The following STEAP1B variants were observed in gnomAD, a reference collection of about 807,000 sequenced individuals.
STEAP1B encodes STEAP family protein MGC87042.
A neutral mutation model predicts 27.9 loss-of-function variants in STEAP1B; 13 were observed. That is an observed-to-expected ratio of 0.47 (90% confidence interval 0.30 to 0.74). STEAP1B has a LOEUF of 0.74. Ranked by LOEUF, STEAP1B falls within the 30% of genes least tolerant of loss-of-function variation. The pLI is 0.06. For missense variants in STEAP1B, 250 were observed against 298.7 expected, an observed-to-expected ratio of 0.84 and a Z score of 1.20; for synonymous variants, 86 against 107.1, an observed-to-expected ratio of 0.80 and a Z score of 1.22.
intron 4 of STEAP1B, among the ~76,000 whole-genome samples, chr7:22,465,939 G>T (rs756406164): frequency 6.6e-6 from 1 of 152,044 alleles, no homozygotes; most frequent in East Asian, 1.9e-4. Flanking sequence ...TCGATCTCCC[G>T]CATGGCTCAT....
chr7:22,467,803 A>G (rs1194903209), intron 4 of STEAP1B, among the ~76,000 whole-genome samples: 2 of 152,124 alleles, frequency 1.3e-5, no homozygotes, highest in African/African-American at 4.8e-5. Context: ...GTGTGTCTTT[A>G]TCAGCATTGT....
Position 22,422,422 on chromosome 7 carries a change from A to G in STEAP1B, c.763-2586T>C, listed in dbSNP as rs552918314. ...GCAATTCTAAAAGAATAGTTCCCCA[A>G]ATAGCTTGAGCAACAACGTCACTGG... On this transcript the variant is annotated intron_variant, in intron 4 of 4. Transcript: ENST00000678116. Among the ~76,000 whole-genome samples the G allele has an allele frequency of 4.6e-5, 7 of 152,364 alleles. No individual in the cohort carries two copies. The South Asian group carries it at 1.4e-3, about 32-fold the overall frequency.
chr7:22,469,914 T>G lies in STEAP1B; in HGVS notation c.762+22651A>C, dbSNP rs184895834. 3.9e-3 allele frequency among the ~76,000 whole-genome samples: 592 copies of G among 152,342 alleles called. 3 individuals are homozygous for G. Among genetic ancestry groups the G allele is most frequent in the Non-Finnish European group, 7.0e-3 (479 of 68,028 alleles). On this transcript the variant is annotated intron_variant, in intron 4 of 4. Transcript: ENST00000678116. ...GCTAGAATAAACTCCAGTGCTGGAC[T>G]GTAGTTAGTTATCATGCTGACTCAT...
At position 22,493,737 on chromosome 7, in the gene STEAP1B, G is replaced by A. The variant is rs199876235; in HGVS notation, c.184C>T (p.Gln62Ter). ...ADEFDCPSELQHAQELFPQWH... is the reference protein window; with the variant it reads ...ADEFDCPSEL ...TGTGGAAAGAGTTCCTGTGCGTGCT[G>A]AAGTTCTGAAGGGCAGTCAAATTCA... Residue 62 changes from glutamine to a stop codon, truncating the protein, a stop_gained, in exon 3 of 5, where the codon CAG becomes TAG. Transcript: ENST00000678116. LOFTEE classifies it high-confidence loss of function. 5.8e-5 allele frequency: 93 copies of A among 1,613,908 alleles called. 1 individual carries two copies. In the East Asian group the frequency reaches 7.8e-4, roughly 14 times the overall value.
At chr7:22,427,860 ATAG>A (rs1341312884) in intron 4 of STEAP1B, among the ~76,000 whole-genome samples, 1 of 152,250 alleles carries the variant, frequency 6.6e-6, no homozygotes, top group African/African-American at 2.4e-5. Context: ...GAGTAGAGAA[ATAG>A]TAGAAATCAA....
At chr7:22,454,412 A>G (rs533832733) in intron 4 of STEAP1B, among the ~76,000 whole-genome samples, 1 of 152,258 alleles carries the variant, frequency 6.6e-6, no homozygotes, top group African/African-American at 2.4e-5. Flanking sequence ...AGCCCTCTGG[A>G]AGTTTCTGGA....
chr7:22,444,431 A>C (rs1303614132), intron 4 of STEAP1B, among the ~76,000 whole-genome samples: 1 of 151,988 alleles, frequency 6.6e-6, no homozygotes, highest in Non-Finnish European at 1.5e-5. Flanking sequence ...TTTTAAAAAA[A>C]AAAAGTAAAA....
intron 4 of STEAP1B, among the ~76,000 whole-genome samples, chr7:22,466,640 A>G (rs1785789101): frequency 6.6e-6 from 1 of 152,070 alleles, no homozygotes. Flanking sequence ...TGGAAACCCT[A>G]GTAAACAATT....
At chr7:22,468,773 T>C (rs1186696277) in intron 4 of STEAP1B, among the ~76,000 whole-genome samples, 1 of 152,214 alleles carries the variant, frequency 6.6e-6, no homozygotes, top group East Asian at 1.9e-4. Flanking sequence ...GAGATTATAA[T>C]GGAGCTGAAA....
At chr7:22,461,021 C>T (rs1467167885) in intron 4 of STEAP1B, among the ~76,000 whole-genome samples, 1 of 152,088 alleles carries the variant, frequency 6.6e-6, no homozygotes, top group East Asian at 1.9e-4. Flanking sequence ...ACAGGAGGCC[C>T]AACATTTGAA....
intron 4 of STEAP1B, chr7:22,492,319 C>CAAAAAAAAAAAAAAAAAAAAAAAAAA (rs56679156): frequency 5.5e-5 from 3 of 54,414 alleles, no homozygotes; most frequent in African/African-American, 9.3e-5. Context: ...ACTTCATCTC[C>CAAAAAAAAAAAAAAAAAAAAAAAAAA]AAAAAAAAAA....
intron 1 of STEAP1B, among the ~76,000 whole-genome samples, chr7:22,496,422 A>G (rs1240378842): frequency 6.6e-6 from 1 of 152,212 alleles, no homozygotes; most frequent in Non-Finnish European, 1.5e-5. Context: ...TATAAAGTCT[A>G]TAGTAGTGTA....
chr7:22,484,225 T>C (rs114086101), intron 4 of STEAP1B, among the ~76,000 whole-genome samples: 159 of 152,308 alleles, frequency 1.0e-3, no homozygotes, highest in African/African-American at 3.8e-3. Context: ...GAAGATGCCA[T>C]CTAGGAGAAG....
At position 22,438,324 on chromosome 7, in the gene STEAP1B, C is replaced by A. The variant is rs998724444; in HGVS notation, c.763-18488G>T. ...CCTATGCAGTTTTTCGCACTTGTCCCACATGTTTTATTTTTCTACATAATA... is the reference window on the plus strand; with the variant it reads ...CCTATGCAGTTTTTCGCACTTGTCCAACATGTTTTATTTTTCTACATAATA... On this transcript the variant is annotated intron_variant, in intron 4 of 4. Transcript: ENST00000678116. The A allele has an allele frequency of 4.8e-6, 4 of 832,834 alleles. No individual in the cohort carries two copies. The African/African-American group carries it at 5.2e-5, about 11-fold the overall frequency. 51.6% of individuals were successfully genotyped at this position (832,834 alleles called of 1,614,324 possible).
At position 22,493,311 on chromosome 7, in the gene STEAP1B, A is replaced by T; in HGVS notation, c.597+13T>A. On this transcript the variant is annotated intron_variant, in intron 3 of 4. Coordinates refer to ENST00000678116, the MANE Select transcript of STEAP1B (RefSeq NM_001382447.1). ...ACTTTTTATTAGTAACAGTGACATC[A>T]TTGTCATCTCACCTGTTGATATGCC... The T allele has an allele frequency of 6.2e-7, 1 of 1,600,578 alleles. No individual in the cohort carries two copies. The highest frequency in any genetic ancestry group is 8.5e-7 in the Non-Finnish European group (1 of 1,170,732).
chr7:22,493,383 G>C lies in STEAP1B; in HGVS notation c.538C>G (p.Leu180Val). The C allele has an allele frequency of 5.0e-6, 8 of 1,614,176 alleles. No individual in the cohort carries two copies. The South Asian group carries it at 8.8e-5, about 18-fold the overall frequency. ...TAGGATCGCCTCATTGCGTAAGACA[G>C]AGTATAAATTGCATGCAGTACAGCA... Reference protein sequence around the residue: ...FFAVLHAIYTLSYAMRRSYRY... With the variant: ...FFAVLHAIYTVSYAMRRSYRY... The change falls in exon 3 of 5, where the codon CTG becomes GTG. Residue 180 changes from leucine (L) to valine (V), a missense_variant. Coordinates refer to ENST00000678116, the MANE Select transcript of STEAP1B (RefSeq NM_001382447.1).
intron 4 of STEAP1B, among the ~76,000 whole-genome samples, chr7:22,456,972 A>ATATATATTTTTTTTTTTTTTTTTTTT: frequency 8.8e-5 from 5 of 57,036 alleles, no homozygotes; most frequent in Non-Finnish European, 1.3e-4. Flanking sequence ...ATATATATAT[A>ATATATATTTTTTTTTTTTTTTTTTTT]TTTTTTTTTT....
chr7:22,479,312 T>C (rs1368788259), intron 4 of STEAP1B, among the ~76,000 whole-genome samples: 2 of 152,176 alleles, frequency 1.3e-5, no homozygotes, highest in Admixed American at 1.3e-4. Context: ...AAGGAGGCAG[T>C]GCATTTGCCC....
chr7:22,477,641 T>G (rs1785994838), intron 4 of STEAP1B, among the ~76,000 whole-genome samples: 1 of 152,208 alleles, frequency 6.6e-6, no homozygotes, highest in African/African-American at 2.4e-5. Context: ...ATTTTTGGCT[T>G]TTTAATGGAT....
Sources: allele counts gnomAD v4.1 joint callset (sites outside exome capture counted in the v4.1 genomes callset), GRCh38; gene constraint gnomAD v4.1.1; transcripts MANE v1.5; gene names NCBI Gene and HGNC (gene_info 2026-07-23, HGNC 2026-07-21).